SCAPER: variants seen among roughly 807,000 people sequenced by gnomAD.
SCAPER encodes the protein S-phase cyclin A associated protein in the ER, also known as S phase cyclin A-associated protein in the endoplasmic reticulum.
A neutral mutation model predicts 182.2 loss-of-function variants in SCAPER; 98 were observed. That is an observed-to-expected ratio of 0.54 (90% confidence interval 0.46 to 0.64). SCAPER has a LOEUF of 0.64. Ranked by LOEUF, SCAPER falls within the 30% of genes least tolerant of loss-of-function variation. SCAPER has a pLI of 0.00. For missense variants in SCAPER, 1,432 were observed against 1,690.0 expected (o/e 0.85, Z 2.68); for synonymous variants, 605 against 564.6 (o/e 1.07, Z -1.01).
intron 15 of SCAPER, among the ~76,000 whole-genome samples, chr15:76,740,195 T>C (rs1203852035): frequency 6.6e-6 from 1 of 152,126 alleles, no homozygotes. Flanking sequence ...AGGAAAAACT[T>C]TTGATAATCA....
chr15:76,559,004 G>A (rs933190658), intron 23 of SCAPER, among the ~76,000 whole-genome samples: 1 of 151,820 alleles, frequency 6.6e-6, no homozygotes, highest in Non-Finnish European at 1.5e-5. Flanking sequence ...TCCCCAAGCT[G>A]TTCTTGTGAT....
At chr15:76,495,577 CAA>C (rs71444987) in intron 24 of SCAPER, among the ~76,000 whole-genome samples, 87 of 56,958 alleles carry the variant, frequency 1.5e-3, no homozygotes, top group African/African-American at 5.6e-3. Context: ...GACTTGGTCT[CAA>C]AAAAAAAAAA....
intron 22 of SCAPER, among the ~76,000 whole-genome samples, chr15:76,599,036 A>G (rs1449928025): frequency 5.0e-5 from 6 of 121,148 alleles, no homozygotes; most frequent in African/African-American, 1.5e-4. Flanking sequence ...AAAAATAATA[A>G]AAATATACAC....
At chr15:76,616,863 C>T (rs1240063993) in intron 22 of SCAPER, among the ~76,000 whole-genome samples, 1 of 152,096 alleles carries the variant, frequency 6.6e-6, no homozygotes. Context: ...AGTTTTCAAT[C>T]ATCATAAGCA....
At chr15:76,596,119 AG>A (rs1353059471) in intron 22 of SCAPER, among the ~76,000 whole-genome samples, 1 of 121,142 alleles carries the variant, frequency 8.3e-6, no homozygotes, top group East Asian at 2.2e-4. Flanking sequence ...ACAATGACAA[AG>A]AAAAGATCAC....
intron 22 of SCAPER, 59 bp from the exon 23 acceptor site, chr15:76,574,343 T>A: frequency 6.4e-7 from 1 of 1,554,062 alleles, no homozygotes; most frequent in Non-Finnish European, 8.7e-7. Flanking sequence ...AATCTTCATT[T>A]CCCAAAACAC....
At chr15:76,390,163 C>T (rs2043587950) in intron 27 of SCAPER, among the ~76,000 whole-genome samples, 1 of 152,028 alleles carries the variant, frequency 6.6e-6, no homozygotes, top group Non-Finnish European at 1.5e-5. Flanking sequence ...GCTATGTTGC[C>T]CAGGGTGGTC....
At chr15:76,621,280 G>A (rs1185246902) in intron 22 of SCAPER, among the ~76,000 whole-genome samples, 3 of 152,118 alleles carry the variant, frequency 2.0e-5, no homozygotes, top group Non-Finnish European at 4.4e-5. Flanking sequence ...CACCTCAATG[G>A]TGAAGTCTAA....
chr15:76,419,250 A>T (rs886996528), intron 26 of SCAPER, among the ~76,000 whole-genome samples: 23 of 150,884 alleles, frequency 1.5e-4, no homozygotes, highest in African/African-American at 5.4e-4. Context: ...AATCGCTTGA[A>T]CCCAGGAGGC....
chr15:76,784,150 A>G (rs1486198150), intron 8 of SCAPER, among the ~76,000 whole-genome samples: 1 of 152,226 alleles, frequency 6.6e-6, no homozygotes, highest in African/African-American at 2.4e-5. Context: ...GTCTCTGCCC[A>G]AAATCTCCTT....
At chr15:76,694,863 T>C (rs1005448032) in intron 20 of SCAPER, among the ~76,000 whole-genome samples, 1 of 152,074 alleles carries the variant, frequency 6.6e-6, no homozygotes, top group African/African-American at 2.4e-5. Flanking sequence ...AAGCTATTAA[T>C]GTAACATATC....
intron 21 of SCAPER, among the ~76,000 whole-genome samples, chr15:76,656,631 C>A (rs763845783): frequency 1.8e-4 from 28 of 152,086 alleles, no homozygotes; most frequent in Non-Finnish European, 3.5e-4. Flanking sequence ...TGGTCTAAAT[C>A]ACCCACACAG....
intron 10 of SCAPER, among the ~76,000 whole-genome samples, chr15:76,769,638 C>G (rs111845525): frequency 6.6e-6 from 1 of 150,712 alleles, no homozygotes; most frequent in African/African-American, 2.5e-5. Context: ...CCAGTTAGAA[C>G]GGCGATCATT....
chr15:76,787,744 ATTTT>A (rs2064717182), intron 8 of SCAPER, among the ~76,000 whole-genome samples: 1 of 152,216 alleles, frequency 6.6e-6, no homozygotes, highest in Admixed American at 6.5e-5. Context: ...TAGTAATAAA[ATTTT>A]AAACTATCAA....
At chr15:76,535,521 C>CAAA (rs56660301) in intron 23 of SCAPER, among the ~76,000 whole-genome samples, 24 of 46,612 alleles carry the variant, frequency 5.1e-4, no homozygotes, top group Admixed American at 6.4e-4. Flanking sequence ...GACTCTGTCT[C>CAAA]AAAAAAAAAA....
At chr15:76,750,830 C>G (rs567607626) in intron 15 of SCAPER, among the ~76,000 whole-genome samples, 2 of 151,998 alleles carry the variant, frequency 1.3e-5, no homozygotes, top group South Asian at 4.1e-4. Context: ...ATATCAGGAT[C>G]AAGATAAAGA....
intron 20 of SCAPER, among the ~76,000 whole-genome samples, chr15:76,670,022 A>T (rs2056898737): frequency 6.6e-6 from 1 of 152,156 alleles, no homozygotes; most frequent in African/African-American, 2.4e-5. Flanking sequence ...ATTATAGACA[A>T]CGCCTTTACA....
At chr15:76,531,674 G>A (rs2043678547) in intron 23 of SCAPER, among the ~76,000 whole-genome samples, 1 of 152,052 alleles carries the variant, frequency 6.6e-6, no homozygotes, top group Admixed American at 6.6e-5. Context: ...AATGGTACTT[G>A]GCACACAGTG....
At chr15:76,589,478 G>A (rs1398840325) in intron 22 of SCAPER, among the ~76,000 whole-genome samples, 1 of 152,122 alleles carries the variant, frequency 6.6e-6, no homozygotes, top group Non-Finnish European at 1.5e-5. Context: ...AAAGCTGACA[G>A]CCACAAGCCT....
Sources: allele counts gnomAD v4.1 joint callset (sites outside exome capture counted in the v4.1 genomes callset), GRCh38; gene constraint gnomAD v4.1.1; transcripts MANE v1.5; gene names NCBI Gene and HGNC (gene_info 2026-07-23, HGNC 2026-07-21).